The following PKNOX2 variants were observed in gnomAD, a reference collection of about 807,000 sequenced individuals.
PKNOX2 encodes the protein homeobox protein PKNOX2.
A neutral mutation model predicts 53.1 loss-of-function variants in PKNOX2; 14 were observed. The observed-to-expected ratio is 0.26, with a 90% CI of 0.17 to 0.41. PKNOX2 has a LOEUF of 0.41. Ranked by LOEUF, PKNOX2 falls within the 10% of genes least tolerant of loss-of-function variation. The pLI, the probability that PKNOX2 is intolerant of heterozygous loss-of-function variation, is 1.00. For missense variants in PKNOX2, 496 were observed against 602.8 expected (o/e 0.82, Z 1.85); for synonymous variants, 257 against 242.8 (o/e 1.06, Z -0.54).
At chr11:125,194,868 A>C (rs570179171) in intron 1 of PKNOX2, among the ~76,000 whole-genome samples, 29 of 152,288 alleles carry the variant, frequency 1.9e-4, no homozygotes, top group Non-Finnish European at 2.9e-4. Flanking sequence ...TCTCACCACA[A>C]ACCCTCCAGA....
In PKNOX2 at chr11:125,189,439, GTGTGTGTGTATATATATA is replaced by G. The variant is rs1452514676; in HGVS notation, c.-201+24665_-201+24682del. Among the ~76,000 whole-genome samples the G allele has an allele frequency of 3.7e-3, 212 of 56,740 alleles. 2 individuals carry two copies. The highest frequency in any genetic ancestry group is 3.9e-3 in the Non-Finnish European group (119 of 30,336). 37.2% of individuals were successfully genotyped at this position (56,740 alleles called of 152,430 possible). A position where few individuals can be genotyped will look rare whatever the true frequency, so the allele number is the denominator to read the frequency against. The stretch of plus-strand genomic sequence containing the variant: ...TGTGTGTGTGTGTGTGTGTGTGTGT[GTGTGTGTGTATATATATA>G]TATATATATATATATATATATATAT... On this transcript the variant is annotated intron_variant, in intron 1 of 12. Coordinates refer to ENST00000298282, the MANE Select transcript of PKNOX2 (RefSeq NM_001382323.2).
chr11:125,362,218 T>C (rs1297859593), intron 4 of PKNOX2, among the ~76,000 whole-genome samples: 3 of 152,176 alleles, frequency 2.0e-5, no homozygotes, highest in South Asian at 2.1e-4. Context: ...CATTCTCCTC[T>C]TCAAAGAAAA....
chr11:125,197,664 C>T (rs1300814529), intron 1 of PKNOX2, among the ~76,000 whole-genome samples: 1 of 152,162 alleles, frequency 6.6e-6, no homozygotes, highest in Admixed American at 6.5e-5. Flanking sequence ...AAAACAACAA[C>T]AACAACAACA....
intron 1 of PKNOX2, among the ~76,000 whole-genome samples, chr11:125,222,283 C>T (rs1402883797): frequency 1.3e-5 from 2 of 152,132 alleles, no homozygotes; most frequent in African/African-American, 4.8e-5. Context: ...GGGGCTGACA[C>T]GGATGCCTTT....
chr11:125,233,047 TTTC>T (rs1942364291), intron 1 of PKNOX2, among the ~76,000 whole-genome samples: 1 of 152,232 alleles, frequency 6.6e-6, no homozygotes, highest in Non-Finnish European at 1.5e-5. Flanking sequence ...TGGGCATTTT[TTTC>T]TTCATTTTCA....
At chr11:125,410,714 C>A in intron 8 of PKNOX2, 65 bp from the exon 9 acceptor site, 1 of 1,258,940 alleles carries the variant, frequency 7.9e-7, no homozygotes, top group Non-Finnish European at 1.2e-6. Flanking sequence ...GAACTGGGAA[C>A]CCTGCTTGCC....
intron 2 of PKNOX2, among the ~76,000 whole-genome samples, chr11:125,246,117 AC>A (rs1157691171): frequency 6.6e-6 from 1 of 152,214 alleles, no homozygotes; most frequent in African/African-American, 2.4e-5. Flanking sequence ...GTTTTGTGCT[AC>A]TGTAACAGAA....
In PKNOX2 at chr11:125,370,521, A is replaced by C. The variant is rs1410071932; in HGVS notation, c.227+2536A>C. Among the ~76,000 whole-genome samples the C allele has an allele frequency of 6.6e-6, 1 of 152,210 alleles. No homozygotes were observed. Among genetic ancestry groups the C allele is most frequent in the Non-Finnish European group, 1.5e-5 (1 of 68,030 alleles). On this transcript the variant is annotated intron_variant, in intron 5 of 12. Transcript: ENST00000298282. The surrounding 1 kb of genome is among the most constrained non-coding windows in gnomAD (Gnocchi z 4.1). ...CCCGCAACCCTTGGTGTTTGCCCAAAGTATGTCTGCAGCTGTCTGACCTGG... is the reference window on the plus strand; with the variant it reads ...CCCGCAACCCTTGGTGTTTGCCCAACGTATGTCTGCAGCTGTCTGACCTGG...
At chr11:125,245,375 A>G (rs1943481152) in intron 2 of PKNOX2, among the ~76,000 whole-genome samples, 1 of 152,212 alleles carries the variant, frequency 6.6e-6, no homozygotes, top group African/African-American at 2.4e-5. Flanking sequence ...CAGGGACTGG[A>G]GCTCAGAAAG....
intron 1 of PKNOX2, among the ~76,000 whole-genome samples, chr11:125,213,240 TAG>T (rs1486867833): frequency 6.6e-6 from 1 of 152,104 alleles, no homozygotes; most frequent in African/African-American, 2.4e-5. Context: ...CTGCCCTTTG[TAG>T]AGAGTGTGGA....
intron 4 of PKNOX2, among the ~76,000 whole-genome samples, chr11:125,361,354 G>A (rs931375366): frequency 1.3e-5 from 2 of 152,182 alleles, no homozygotes; most frequent in African/African-American, 2.4e-5. Context: ...TCCACTGGAG[G>A]AGACAGACAT....
At chr11:125,225,655 T>C (rs1043086980) in intron 1 of PKNOX2, among the ~76,000 whole-genome samples, 4 of 152,186 alleles carry the variant, frequency 2.6e-5, no homozygotes, top group African/African-American at 7.2e-5. Context: ...TTAGTCATTA[T>C]GCAGGGTTTC....
At chr11:125,393,803 C>A (rs1002381836) in intron 6 of PKNOX2, among the ~76,000 whole-genome samples, 2 of 151,982 alleles carry the variant, frequency 1.3e-5, no homozygotes, top group African/African-American at 4.8e-5. Flanking sequence ...AGCTACTTGG[C>A]TTCCTAGAAC....
chr11:125,168,512 C>T lies in PKNOX2; in HGVS notation c.-201+3736C>T, dbSNP rs184873192. On this transcript the variant is annotated intron_variant, in intron 1 of 12. Transcript: ENST00000298282. ...TCTTGTGAGTGGAGAATCCTGAATT[C>T]ATGGAGTTCTAGCTTAACTGGAAAC... 5.3e-5 allele frequency among the ~76,000 whole-genome samples: 8 copies of T among 152,314 alleles called. No individual in the cohort carries two copies. In the South Asian group the frequency reaches 1.5e-3, roughly 28 times the overall value.
At chr11:125,339,882 A>G (rs970370365) in intron 3 of PKNOX2, among the ~76,000 whole-genome samples, 5 of 152,144 alleles carry the variant, frequency 3.3e-5, no homozygotes, top group Non-Finnish European at 7.4e-5. Flanking sequence ...TGTGTTCTTT[A>G]ATTTTGTTCC....
rs575745736 is a variant in PKNOX2 at position 125,267,835 on chromosome 11, G to A, written c.-130+32720G>A. Among the ~76,000 whole-genome samples, 3 of 152,302 alleles carry A rather than the reference G, an allele frequency of 2.0e-5. No individual in the cohort carries two copies. The South Asian group carries it at 6.2e-4, about 32-fold the overall frequency. ...TTGATAGATCTGTGAGGAAGAGTAG[G>A]AATGGAGTCAGGGAATTGTCTTCGA... On this transcript the variant is annotated intron_variant, in intron 2 of 12. Transcript: ENST00000298282.
At chr11:125,168,072 G>A (rs979895559) in intron 1 of PKNOX2, among the ~76,000 whole-genome samples, 1 of 152,164 alleles carries the variant, frequency 6.6e-6, no homozygotes, top group African/African-American at 2.4e-5. Flanking sequence ...AACCCAAACT[G>A]GATTTCAGGA....
intron 10 of PKNOX2, among the ~76,000 whole-genome samples, chr11:125,418,755 C>T (rs1956020711): frequency 6.6e-6 from 1 of 152,034 alleles, no homozygotes; most frequent in Admixed American, 6.5e-5. Flanking sequence ...TCCGACCAAC[C>T]TTGGATTGAA....
At chr11:125,259,553 C>G (rs1944674779) in intron 2 of PKNOX2, among the ~76,000 whole-genome samples, 1 of 152,216 alleles carries the variant, frequency 6.6e-6, no homozygotes, top group Admixed American at 6.5e-5. Context: ...GGCTTCCACA[C>G]CACTGAGGCC....
Sources: allele counts gnomAD v4.1 joint callset (sites outside exome capture counted in the v4.1 genomes callset), GRCh38; gene constraint gnomAD v4.1.1; non-coding constraint Gnocchi (gnomAD v3.1); transcripts MANE v1.5; gene names NCBI Gene and HGNC (gene_info 2026-07-23, HGNC 2026-07-21).